The following TSPAN14 variants were observed in gnomAD, a reference collection of about 807,000 sequenced individuals.
TSPAN14 encodes the protein tetraspanin-14.
A neutral mutation model predicts 36.6 loss-of-function variants in TSPAN14; 16 were observed. The ratio of observed to expected loss-of-function variants is 0.44; its 90% CI spans 0.30 to 0.66. The LOEUF (loss-of-function observed/expected upper bound fraction) is 0.66, where lower values mean the gene tolerates loss of function less well. Among genes scored for constraint, TSPAN14 ranks in the 30% least tolerant of loss-of-function variants. TSPAN14 has a pLI of 0.12. For missense variants in TSPAN14, 231 were observed against 355.1 expected, an observed-to-expected ratio of 0.65 and a Z score of 2.81; for synonymous variants, 139 against 143.8, an observed-to-expected ratio of 0.97 and a Z score of 0.24.
In TSPAN14 at chr10:80,509,542, G is replaced by C. The variant is rs1840497385; in HGVS notation, c.450+71G>C. 6.6e-7 allele frequency: 1 copy of C among 1,525,844 alleles called. No homozygotes were observed. Among genetic ancestry groups the C allele is most frequent in the Non-Finnish European group, 8.9e-7 (1 of 1,122,774 alleles). 94.5% of individuals were successfully genotyped at this position (1,525,844 alleles called of 1,614,324 possible). A position where few individuals can be genotyped will look rare whatever the true frequency, so the allele number is the denominator to read the frequency against. ...GTGCTGCCTGGAGCTGAGTCTAGCAGGGGCATCAGGCCTTCTCTGTGGGTT... is the reference window on the plus strand; with the variant it reads ...GTGCTGCCTGGAGCTGAGTCTAGCACGGGCATCAGGCCTTCTCTGTGGGTT... On this transcript the variant is annotated intron_variant, in intron 5 of 8. Transcript: ENST00000429989. The surrounding 1 kb of genome is among the most constrained non-coding windows in gnomAD (Gnocchi z 4.7).
At chr10:80,462,541 TA>T (rs1441143288) in intron 1 of TSPAN14, among the ~76,000 whole-genome samples, 6 of 152,156 alleles carry the variant, frequency 3.9e-5, no homozygotes, top group African/African-American at 1.4e-4. Flanking sequence ...TATTGTTCCT[TA>T]GGGGGAAAAA....
intron 2 of TSPAN14, among the ~76,000 whole-genome samples, chr10:80,503,228 A>G (rs762847592): frequency 6.6e-6 from 1 of 152,136 alleles, no homozygotes; most frequent in Non-Finnish European, 1.5e-5. Flanking sequence ...CATGCATTCT[A>G]TCAGGAAAAC....
chr10:80,516,272 G>A lies in TSPAN14; in HGVS notation c.690G>A (p.Pro230=), dbSNP rs367834904. The change falls in exon 8 of 9, where the codon CCG becomes CCA. Residue 230 remains proline (P), a synonymous_variant. Transcript: ENST00000429989. ...TCCAGGCGCTGGAAAGCTGGCTCCCGCGGAACATTTACATTGTGGCTGGCG... is the reference window on the plus strand; with the variant it reads ...TCCAGGCGCTGGAAAGCTGGCTCCCACGGAACATTTACATTGTGGCTGGCG... 31 of 1,614,228 alleles carry A rather than the reference G, an allele frequency of 1.9e-5. No homozygotes were observed. In the East Asian group the frequency reaches 4.7e-4, roughly 24 times the overall value.
At chr10:80,473,994 C>G (rs1026199078) in intron 1 of TSPAN14, among the ~76,000 whole-genome samples, 13 of 152,234 alleles carry the variant, frequency 8.5e-5, no homozygotes, top group African/African-American at 2.9e-4. Context: ...TCGCCTGCCC[C>G]CTCCTAGGCT....
chr10:80,475,002 C>G (rs1363320429), intron 1 of TSPAN14, among the ~76,000 whole-genome samples: 1 of 152,116 alleles, frequency 6.6e-6, no homozygotes, highest in Non-Finnish European at 1.5e-5. Flanking sequence ...ATCGTCCAAA[C>G]AGGGCCAGGC....
intron 2 of TSPAN14, among the ~76,000 whole-genome samples, chr10:80,497,726 G>A (rs1848269712): frequency 6.6e-6 from 1 of 152,160 alleles, no homozygotes. Flanking sequence ...CCTGGGCGGG[G>A]CTCAGTGGGG....
intron 8 of TSPAN14, among the ~76,000 whole-genome samples, chr10:80,517,086 G>A (rs1322996348): frequency 1.3e-5 from 2 of 152,200 alleles, no homozygotes; most frequent in Non-Finnish European, 2.9e-5. Flanking sequence ...GTCCACTGAT[G>A]CATTTCTTGT....
At chr10:80,455,386 C>A (rs1217772507) in intron 1 of TSPAN14, among the ~76,000 whole-genome samples, 1 of 152,080 alleles carries the variant, frequency 6.6e-6, no homozygotes. Flanking sequence ...TGCTGGGCGG[C>A]TGTGCAGAGC....
exon 9 of TSPAN14, chr10:80,518,462 C>T (rs990458353): frequency 1.1e-4 from 19 of 170,824 alleles, no homozygotes; most frequent in South Asian, 7.1e-4. Flanking sequence ...CTGCCCGTAA[C>T]GGGAGGCGGA....
intron 1 of TSPAN14, among the ~76,000 whole-genome samples, chr10:80,477,224 A>G (rs997835417): frequency 4.6e-5 from 7 of 152,224 alleles, no homozygotes; most frequent in Non-Finnish European, 8.8e-5. Context: ...TGATCCCCCT[A>G]TGTTAAGATC....
At chr10:80,496,075 TTTC>T (rs1848184089) in intron 2 of TSPAN14, among the ~76,000 whole-genome samples, 2 of 152,200 alleles carry the variant, frequency 1.3e-5, no homozygotes, top group African/African-American at 2.4e-5. Context: ...TTTGAAATAA[TTTC>T]TTATTTTTTA....
At chr10:80,501,062 C>T (rs940112699) in intron 2 of TSPAN14, among the ~76,000 whole-genome samples, 1 of 151,456 alleles carries the variant, frequency 6.6e-6, no homozygotes, top group Non-Finnish European at 1.5e-5. Context: ...AGCACCTCAG[C>T]GTGAATTCAC....
chr10:80,476,331 T>C (rs1467528079), intron 1 of TSPAN14, among the ~76,000 whole-genome samples: 14 of 152,014 alleles, frequency 9.2e-5, no homozygotes, highest in Non-Finnish European at 1.5e-4. Context: ...GTTTGCGCCA[T>C]TGCACTTGAG....
rs1187768818 is a variant in TSPAN14, at chr10:80,464,089, C to A, written c.-18+9718C>A. ...GCTTCTCATAGTGGGTTCCAGCAAC[C>A]TCACGACTTTGCAGGACCTATGTGG... On this transcript the variant is annotated intron_variant, in intron 1 of 8. Coordinates refer to ENST00000429989, the Ensembl canonical transcript of TSPAN14. Among the ~76,000 whole-genome samples the A allele has an allele frequency of 2.6e-5, 4 of 152,182 alleles. No individual in the cohort carries two copies. The East Asian group carries it at 7.7e-4, about 29-fold the overall frequency.
chr10:80,463,858 G>A (rs1846100300), intron 1 of TSPAN14, among the ~76,000 whole-genome samples: 1 of 152,248 alleles, frequency 6.6e-6, no homozygotes, highest in Non-Finnish European at 1.5e-5. Flanking sequence ...ACAGAGACAA[G>A]AGCTGGAGAA....
chr10:80,456,544 C>T (rs903486698), intron 1 of TSPAN14, among the ~76,000 whole-genome samples: 2 of 152,194 alleles, frequency 1.3e-5, no homozygotes, highest in East Asian at 3.8e-4. Context: ...TTCCTGAGGC[C>T]TCACTCTATG....
At chr10:80,473,517 T>C (rs79670433) in intron 1 of TSPAN14, among the ~76,000 whole-genome samples, 3,786 of 152,122 alleles carry the variant, frequency 0.025, 108 homozygotes, top group East Asian at 0.08. Flanking sequence ...CTTGATGGCC[T>C]TGGAAGCTGG....
At chr10:80,473,113 T>C (rs542279927) in intron 1 of TSPAN14, among the ~76,000 whole-genome samples, 7 of 152,284 alleles carry the variant, frequency 4.6e-5, no homozygotes, top group African/African-American at 1.7e-4. Flanking sequence ...GAACAAAGCC[T>C]CCTGTAGCTT....
At chr10:80,489,429 G>A (rs1455476984) in intron 2 of TSPAN14, 115 bp downstream of exon 2, 16 of 796,974 alleles carry the variant, frequency 2.0e-5, no homozygotes, top group Non-Finnish European at 3.3e-5. Flanking sequence ...ATAAGGTGGT[G>A]GGCAGGGTCA....
Sources: allele counts gnomAD v4.1 joint callset (sites outside exome capture counted in the v4.1 genomes callset), GRCh38; gene constraint gnomAD v4.1.1; non-coding constraint Gnocchi (gnomAD v3.1); transcripts MANE v1.5; gene names NCBI Gene and HGNC (gene_info 2026-07-23, HGNC 2026-07-21).